BABAM2: variants seen among roughly 807,000 people sequenced by gnomAD.
BABAM2 encodes the protein BRISC and BRCA1 A complex member 2, also known as BRISC and BRCA1-A complex member 2.
Under a neutral mutation model 54.7 loss-of-function variants are expected in BABAM2, and 31 were observed. That is an observed-to-expected ratio of 0.57 (90% confidence interval 0.43 to 0.77). The LOEUF is 0.77. BABAM2 is among the 30% of genes least tolerant of loss of function. The pLI is 0.00. For missense variants in BABAM2, 364 were observed against 455.8 expected (o/e 0.80, Z 1.83); for synonymous variants, 167 against 162.9 (o/e 1.03, Z -0.19).
At chr2:28,260,926 T>G (rs1236603196) in intron 10 of BABAM2, among the ~76,000 whole-genome samples, 1 of 144,874 alleles carries the variant, frequency 6.9e-6, no homozygotes, top group Non-Finnish European at 1.5e-5. Context: ...GTTTTCAAAA[T>G]TTTTCATTTT....
chr2:28,232,702 A>G (rs370782480), intron 7 of BABAM2, among the ~76,000 whole-genome samples: 2 of 152,236 alleles, frequency 1.3e-5, no homozygotes, highest in African/African-American at 2.4e-5. Flanking sequence ...GGAAAAGGAC[A>G]GTAAACATAC....
chr2:28,187,662 ATTTTTTTTT>A (rs35839748), intron 7 of BABAM2, among the ~76,000 whole-genome samples: 4 of 99,162 alleles, frequency 4.0e-5, no homozygotes, highest in Non-Finnish European at 3.9e-5. Context: ...GAACTTTGGA[ATTTTTTTTT>A]TTTTTTTTTT....
At chr2:27,924,290 G>A (rs965729323) in intron 2 of BABAM2, among the ~76,000 whole-genome samples, 1 of 152,150 alleles carries the variant, frequency 6.6e-6, no homozygotes. Flanking sequence ...GTAATCTCCA[G>A]TTAGCTGCAG....
rs991330712 is a variant in BABAM2, at chr2:28,193,964, A to C, written c.681-43238A>C. Among the ~76,000 whole-genome samples, 7 of 152,126 alleles carry C rather than the reference A, an allele frequency of 4.6e-5. No individual in the cohort carries two copies. The East Asian group carries it at 1.3e-3, about 29-fold the overall frequency. On this transcript the variant is annotated intron_variant, in intron 7 of 11. Coordinates refer to ENST00000379624, the MANE Select transcript of BABAM2 (RefSeq NM_199191.3). Reference sequence around the variant, plus strand: ...GGTGCAGTTTGACAGGTGCTATGAGAGGAAAAGCATGAGGGGCTCGAGAGC... The same window carrying C: ...GGTGCAGTTTGACAGGTGCTATGAGCGGAAAAGCATGAGGGGCTCGAGAGC...
chr2:28,088,758 A>T (rs1665899968), intron 6 of BABAM2, among the ~76,000 whole-genome samples: 1 of 152,222 alleles, frequency 6.6e-6, no homozygotes, highest in Non-Finnish European at 1.5e-5. Flanking sequence ...CTGCTGCTTT[A>T]AAGGAAACAA....
chr2:28,018,900 G>T (rs1435328604), intron 4 of BABAM2, among the ~76,000 whole-genome samples: 1 of 152,094 alleles, frequency 6.6e-6, no homozygotes, highest in Non-Finnish European at 1.5e-5. Flanking sequence ...TGTTATATAG[G>T]TATATATGAA....
At chr2:27,944,079 A>G (rs1669120224) in intron 3 of BABAM2, among the ~76,000 whole-genome samples, 1 of 152,208 alleles carries the variant, frequency 6.6e-6, no homozygotes, top group Non-Finnish European at 1.5e-5. Flanking sequence ...GGTACTGATT[A>G]TAGTTTATTA....
intron 6 of BABAM2, among the ~76,000 whole-genome samples, chr2:28,106,616 T>A (rs1371869415): frequency 6.6e-6 from 1 of 152,236 alleles, no homozygotes; most frequent in Admixed American, 6.5e-5. Context: ...ATGTTATATA[T>A]TTTCATGCCT....
At chr2:27,933,306 A>T (rs753429765) in intron 3 of BABAM2, among the ~76,000 whole-genome samples, 1 of 152,160 alleles carries the variant, frequency 6.6e-6, no homozygotes, top group Non-Finnish European at 1.5e-5. Context: ...TAATAAATAA[A>T]TAATAAGTGA....
At position 28,214,392 on chromosome 2, in the gene BABAM2, C is replaced by G. The variant is rs1260954927; in HGVS notation, c.681-22810C>G. ...AATTTTGATTTCCATGTGTTCATTG[C>G]TGGTATATAGTAATACGATTAACTT... On this transcript the variant is annotated intron_variant, in intron 7 of 11. Transcript: ENST00000379624. Among the ~76,000 whole-genome samples the G allele has an allele frequency of 2.6e-5, 4 of 152,030 alleles. No homozygotes were observed. In the East Asian group the frequency reaches 7.7e-4, roughly 29 times the overall value.
rs187552187 is a variant in BABAM2 at position 28,309,924 on chromosome 2, C to T, written c.1088+11433C>T. ...GGTCACCAAGGCCTTCCATTCCGCA[C>T]GAGCAAGCTCACCCGTCCCTCCTGG... On this transcript the variant is annotated intron_variant, in intron 11 of 11. Coordinates refer to ENST00000379624, the MANE Select transcript of BABAM2 (RefSeq NM_199191.3). The T allele has an allele frequency of 8.5e-3, 5,859 of 691,410 alleles. 108 individuals are homozygous for T. Among genetic ancestry groups the T allele is most frequent in the South Asian group, 0.05 (2,624 of 52,928 alleles). 42.8% of individuals were successfully genotyped at this position (691,410 alleles called of 1,614,324 possible). A position where few individuals can be genotyped will look rare whatever the true frequency, so the allele number is the denominator to read the frequency against.
At chr2:28,288,803 C>T (rs1687034267) in intron 10 of BABAM2, among the ~76,000 whole-genome samples, 1 of 152,096 alleles carries the variant, frequency 6.6e-6, no homozygotes, top group African/African-American at 2.4e-5. Flanking sequence ...AGGCGGCTGC[C>T]CTTCTCCCTG....
chr2:28,035,700 A>G (rs1676613027), intron 5 of BABAM2, among the ~76,000 whole-genome samples: 1 of 152,124 alleles, frequency 6.6e-6, no homozygotes, highest in African/African-American at 2.4e-5. Flanking sequence ...CTGAATTTTG[A>G]CTTGCATGTC....
intron 11 of BABAM2, among the ~76,000 whole-genome samples, chr2:28,321,995 G>C (rs1690060263): frequency 6.6e-6 from 1 of 151,148 alleles, no homozygotes; most frequent in Admixed American, 6.6e-5. Flanking sequence ...CCAAAAACAA[G>C]TCCCTGCAAT....
At chr2:28,132,381 A>G (rs1235591696) in intron 7 of BABAM2, among the ~76,000 whole-genome samples, 1 of 151,598 alleles carries the variant, frequency 6.6e-6, no homozygotes, top group African/African-American at 2.4e-5. Context: ...CTCGTGATCC[A>G]CCCACCTCGG....
chr2:28,251,556 G>A (rs11127140), intron 10 of BABAM2, among the ~76,000 whole-genome samples: 95,710 of 151,968 alleles, frequency 0.63, 32,259 homozygotes, highest in East Asian at 0.99. Flanking sequence ...TGAGCTAAGC[G>A]AGGTAGACTT....
chr2:27,941,555 C>CAAA (rs1213873898), intron 3 of BABAM2, among the ~76,000 whole-genome samples: 1 of 118,284 alleles, frequency 8.5e-6, no homozygotes. Flanking sequence ...GACTCCGTCT[C>CAAA]AAAAAAAAAA....
At chr2:27,920,643 A>G (rs1259582897) in intron 2 of BABAM2, among the ~76,000 whole-genome samples, 1 of 152,134 alleles carries the variant, frequency 6.6e-6, no homozygotes, top group Non-Finnish European at 1.5e-5. Context: ...AGCTGATGTT[A>G]AATATTGTTG....
At chr2:28,202,891 G>A (rs1281654839) in intron 7 of BABAM2, among the ~76,000 whole-genome samples, 1 of 152,138 alleles carries the variant, frequency 6.6e-6, no homozygotes, top group Non-Finnish European at 1.5e-5. Flanking sequence ...TTCCTCCCAT[G>A]TTTTACTGCA....
Sources: gnomAD v4.1 joint callset for allele counts (sites outside exome capture counted in the v4.1 genomes callset) on GRCh38, gnomAD v4.1.1 for gene constraint, MANE v1.5 for transcripts, NCBI Gene and HGNC (gene_info 2026-07-23, HGNC 2026-07-21) for gene names.